Variants in BRD10 observed in about 807,000 individuals in gnomAD.
The protein encoded by BRD10 is bromodomain containing 10, also known as uncharacterized bromodomain-containing protein 10.
chr9:5,961,877 A>G, the BRD10 span, among the ~76,000 whole-genome samples: 1 of 152,212 alleles, frequency 6.6e-6, no homozygotes, highest in East Asian at 1.9e-4. Flanking sequence ...TGTGCCTTCT[A>G]CTAAAAATCA....
At chr9:5,999,537 C>T in the BRD10 span, among the ~76,000 whole-genome samples, 2 of 152,164 alleles carry the variant, frequency 1.3e-5, no homozygotes, top group South Asian at 4.1e-4. Context: ...CCTTGTAATT[C>T]CCTAGCTTAA....
At chr9:5,949,398 A>C in the BRD10 span, among the ~76,000 whole-genome samples, 14 of 151,944 alleles carry the variant, frequency 9.2e-5, no homozygotes, top group Non-Finnish European at 1.5e-4. Flanking sequence ...ACAACAACAA[A>C]ACCCTAATTT....
chr9:5,998,976 T>A, the BRD10 span, among the ~76,000 whole-genome samples: 1 of 152,048 alleles, frequency 6.6e-6, no homozygotes, highest in Non-Finnish European at 1.5e-5. Flanking sequence ...ACGTTGTATT[T>A]TTTAAGGATT....
the BRD10 span, chr9:5,968,016 T>C: frequency 6.7e-7 from 1 of 1,487,098 alleles, no homozygotes; most frequent in Non-Finnish European, 9.0e-7. Context: ...TGTGTTAGCT[T>C]ACCAGATTTG....
At chr9:5,920,131 AG>A in the BRD10 span, 1 of 1,613,980 alleles carries the variant, frequency 6.2e-7, no homozygotes, top group Non-Finnish European at 8.5e-7. Flanking sequence ...GATGTTGTAG[AG>A]GTTGGCCACT....
the BRD10 span, among the ~76,000 whole-genome samples, chr9:6,006,999 G>C: frequency 7.2e-5 from 11 of 152,222 alleles, no homozygotes; most frequent in Middle Eastern, 3.4e-3. Context: ...CAGTCTACGC[G>C]CAAGCCGGGT....
At chr9:5,896,764 T>C in the BRD10 span, among the ~76,000 whole-genome samples, 1 of 152,188 alleles carries the variant, frequency 6.6e-6, no homozygotes, top group South Asian at 2.1e-4. Flanking sequence ...GTAACTGTAA[T>C]GCTTCCCAGG....
chr9:5,989,138 G>C, the BRD10 span, among the ~76,000 whole-genome samples: 7 of 149,870 alleles, frequency 4.7e-5, no homozygotes, highest in Admixed American at 1.3e-4. Context: ...GCTGAGGCAG[G>C]AGAATCACTT....
the BRD10 span, among the ~76,000 whole-genome samples, chr9:5,938,491 C>T: frequency 4.6e-5 from 7 of 151,954 alleles, no homozygotes; most frequent in African/African-American, 1.7e-4. Context: ...TATTTTAACC[C>T]ACAGGTTGAG....
chr9:5,959,964 G>C, the BRD10 span, among the ~76,000 whole-genome samples: 2 of 152,088 alleles, frequency 1.3e-5, no homozygotes, highest in African/African-American at 4.8e-5. Flanking sequence ...TTCTTCCAGT[G>C]ACACCTCACT....
At chr9:5,892,757 G>A in the BRD10 span, among the ~76,000 whole-genome samples, 61 of 152,310 alleles carry the variant, frequency 4.0e-4, 1 homozygote, top group South Asian at 0.012. Flanking sequence ...GCAGGAAGAT[G>A]GGAATGGTAT....
At chr9:5,957,134 C>T in the BRD10 span, among the ~76,000 whole-genome samples, 1 of 152,062 alleles carries the variant, frequency 6.6e-6, no homozygotes, top group Non-Finnish European at 1.5e-5. Flanking sequence ...TATTGAGAAC[C>T]TGCTGTGTGT....
chr9:5,975,651 A>T, the BRD10 span, among the ~76,000 whole-genome samples: 61 of 152,238 alleles, frequency 4.0e-4, 1 homozygote, highest in Non-Finnish European at 6.3e-4. Flanking sequence ...GCAGAAGAAA[A>T]GATTAGTGAA....
chr9:5,943,867 G>C, the BRD10 span, among the ~76,000 whole-genome samples: 1 of 152,036 alleles, frequency 6.6e-6, no homozygotes, highest in Non-Finnish European at 1.5e-5. Context: ...TCACACATGA[G>C]ACTTCTGAAA....
At chr9:5,883,147 T>A in the BRD10 span, among the ~76,000 whole-genome samples, 1 of 116,416 alleles carries the variant, frequency 8.6e-6, no homozygotes, top group African/African-American at 3.0e-5. Flanking sequence ...ACCCTAGAAC[T>A]TAAAGTATAA....
At chr9:5,942,321 T>A in the BRD10 span, among the ~76,000 whole-genome samples, 1 of 152,290 alleles carries the variant, frequency 6.6e-6, no homozygotes, top group South Asian at 2.1e-4. Flanking sequence ...TGTTTTAGTA[T>A]CAAAGGTTTA....
chr9:5,918,539 A>T, the BRD10 span, among the ~76,000 whole-genome samples: 3 of 152,060 alleles, frequency 2.0e-5, no homozygotes, highest in Non-Finnish European at 4.4e-5. Context: ...ACATGGTGAA[A>T]CCATCTCTAC....
the BRD10 span, among the ~76,000 whole-genome samples, chr9:5,990,554 C>G: frequency 2.6e-5 from 4 of 152,192 alleles, no homozygotes; most frequent in African/African-American, 9.6e-5. Flanking sequence ...AAGGTATAAA[C>G]TTTCTAAATC....
chr9:5,984,436 A>C, the BRD10 span, among the ~76,000 whole-genome samples: 4 of 152,334 alleles, frequency 2.6e-5, no homozygotes, highest in Middle Eastern at 6.8e-3. Context: ...ACTACTTTGA[A>C]AAAATAAAAC....
Sources: allele counts gnomAD v4.1 joint callset (sites outside exome capture counted in the v4.1 genomes callset), GRCh38; gene constraint gnomAD v4.1.1; transcripts MANE v1.5; gene names NCBI Gene and HGNC (gene_info 2026-07-23, HGNC 2026-07-21).